LPIN2: variants seen among roughly 807,000 people sequenced by gnomAD.
The protein encoded by LPIN2 is phosphatidate phosphatase LPIN2.
LPIN2 carries 55 observed loss-of-function variants against 111.4 expected under a neutral mutation model. The observed-to-expected ratio is 0.49, with a 90% CI of 0.40 to 0.62. The LOEUF (loss-of-function observed/expected upper bound fraction) is 0.62, where lower values mean the gene tolerates loss of function less well. LPIN2 is among the 20% of genes least tolerant of loss of function. The pLI, the probability that LPIN2 is intolerant of heterozygous loss-of-function variation, is 0.00. For missense variants in LPIN2, 992 were observed against 1,112.1 expected, an observed-to-expected ratio of 0.89 and a Z score of 1.54; for synonymous variants, 425 against 414.0, an observed-to-expected ratio of 1.03 and a Z score of -0.32.
chr18:2,996,541 C>T (rs1242287523), intron 1 of LPIN2, among the ~76,000 whole-genome samples: 1 of 140,062 alleles, frequency 7.1e-6, no homozygotes, highest in Admixed American at 7.3e-5. Context: ...GCAGTGGCGC[C>T]ATCTCAGCTC....
In LPIN2 at chr18:2,925,703, T is replaced by G. The variant is rs899841401; in HGVS notation, c.1794-335A>C. Among the ~76,000 whole-genome samples, 6 of 152,212 alleles carry G rather than the reference T, an allele frequency of 3.9e-5. No homozygotes were observed. The highest frequency in any genetic ancestry group is 1.3e-4 in the Admixed American group (2 of 15,278). On this transcript the variant is annotated intron_variant, in intron 13 of 19. Transcript: ENST00000677752. This position sits in a 1 kb window ranked among gnomAD's most constrained non-coding sequence, Gnocchi z 4.1. ...ACAAATCAAAGAAAACATAATCGCT[T>G]ACAATGATTTAACAAACTCCGGCTG...
At chr18:2,984,297 A>G (rs1367677828) in intron 1 of LPIN2, among the ~76,000 whole-genome samples, 1 of 152,214 alleles carries the variant, frequency 6.6e-6, no homozygotes, top group East Asian at 1.9e-4. Context: ...GCAGTACACC[A>G]AAGTGCCCAG....
At chr18:2,971,808 G>C (rs1339839193) in intron 1 of LPIN2, among the ~76,000 whole-genome samples, 1 of 151,482 alleles carries the variant, frequency 6.6e-6, no homozygotes, top group Non-Finnish European at 1.5e-5. Context: ...AGCACTTTGG[G>C]AGGCCGAGGC....
chr18:2,950,588 T>A (rs2077520165), intron 4 of LPIN2: 1 of 195,022 alleles, frequency 5.1e-6, no homozygotes, highest in African/African-American at 2.4e-5. Flanking sequence ...TGAGCTCTTC[T>A]ACAGAGCAGG....
At chr18:3,008,994 C>T (rs142210377) in intron 1 of LPIN2, among the ~76,000 whole-genome samples, 6,776 of 150,884 alleles carry the variant, frequency 0.045, 483 homozygotes, top group African/African-American at 0.16. Flanking sequence ...TGTCCGGGTG[C>T]GGTGGCTCAC....
At chr18:2,960,543 CA>C in intron 2 of LPIN2, 105 bp downstream of exon 2, 1 of 1,125,278 alleles carries the variant, frequency 8.9e-7, no homozygotes, top group African/African-American at 1.5e-5. Flanking sequence ...AGAAAACTCA[CA>C]ATAGCGATTT....
At position 2,925,630 on chromosome 18, in the gene LPIN2, G is replaced by C. The variant is rs1481384700; in HGVS notation, c.1794-262C>G. 1.3e-5 allele frequency among the ~76,000 whole-genome samples: 2 copies of C among 152,186 alleles called. No individual in the cohort carries two copies. Among genetic ancestry groups the C allele is most frequent in the Admixed American group, 6.5e-5 (1 of 15,278 alleles). On this transcript the variant is annotated intron_variant, in intron 13 of 19. Coordinates refer to ENST00000677752, the MANE Select transcript of LPIN2 (RefSeq NM_001375808.2). The surrounding 1 kb of genome is among the most constrained non-coding windows in gnomAD (Gnocchi z 4.1). Reference sequence around the variant, plus strand: ...TTTCTGCTATGCCCAGTGAATGCTAGAAGGTCTACTGACTCTTGTTGAAGA... The same window carrying C: ...TTTCTGCTATGCCCAGTGAATGCTACAAGGTCTACTGACTCTTGTTGAAGA...
At chr18:2,939,414 G>A in intron 6 of LPIN2, 66 bp downstream of exon 6, 1 of 1,597,038 alleles carries the variant, frequency 6.3e-7, no homozygotes, top group Non-Finnish European at 8.6e-7. Flanking sequence ...CTTTACTTAT[G>A]GGCAGAGGAA....
At position 2,930,988 on chromosome 18, in the gene LPIN2, C is replaced by A. The variant is rs144570645; in HGVS notation, c.1456+268G>T. Among the ~76,000 whole-genome samples the A allele has an allele frequency of 3.3e-3, 502 of 152,236 alleles. 2 individuals carry two copies. Among genetic ancestry groups the A allele is most frequent in the Non-Finnish European group, 6.1e-3 (413 of 68,010 alleles). On this transcript the variant is annotated intron_variant, in intron 9 of 19. Transcript: ENST00000677752. Reference sequence around the variant, plus strand: ...GTGTGATGATCGCACCCTGGCAGCTCAGAAAACAGGGCGGCCTGATAACTC... The same window carrying A: ...GTGTGATGATCGCACCCTGGCAGCTAAGAAAACAGGGCGGCCTGATAACTC...
At chr18:2,928,988 T>TATA in intron 10 of LPIN2, 77 bp downstream of exon 10, 1 of 960,118 alleles carries the variant, frequency 1.0e-6, no homozygotes, top group Admixed American at 1.7e-5. Context: ...GGAACACTTT[T>TATA]ATAAGTAACA....
intron 1 of LPIN2, among the ~76,000 whole-genome samples, chr18:2,963,046 C>A (rs759595967): frequency 1.3e-5 from 2 of 152,106 alleles, no homozygotes; most frequent in Non-Finnish European, 2.9e-5. Context: ...TGTGTAAATG[C>A]CAGTTGCTAA....
At chr18:2,994,296 G>C (rs900396878) in intron 1 of LPIN2, among the ~76,000 whole-genome samples, 2 of 152,168 alleles carry the variant, frequency 1.3e-5, no homozygotes, top group African/African-American at 4.8e-5. Context: ...AGACAATTTA[G>C]CTAAAGGAAC....
intron 1 of LPIN2, among the ~76,000 whole-genome samples, chr18:2,984,156 G>C (rs1598599088): frequency 6.6e-6 from 1 of 152,246 alleles, no homozygotes; most frequent in East Asian, 1.9e-4. Context: ...ATATCACCAA[G>C]GTTCATATAA....
chr18:2,925,499 A>G lies in LPIN2; in HGVS notation c.1794-131T>C. On this transcript the variant is annotated intron_variant, in intron 13 of 19. Coordinates refer to ENST00000677752, the MANE Select transcript of LPIN2 (RefSeq NM_001375808.2). This position sits in a 1 kb window ranked among gnomAD's most constrained non-coding sequence, Gnocchi z 4.1. ...AATGGGTAGAGTTATCCCTTCTGCC[A>G]TTCTCCCATATCCACAGCTCTGTAC... 8.3e-7 allele frequency: 1 copy of G among 1,202,344 alleles called. No homozygotes were observed. Among genetic ancestry groups the G allele is most frequent in the Non-Finnish European group, 1.2e-6 (1 of 832,182 alleles). The allele number at this position is 1,202,344 out of a possible 1,614,324, so 74.5% of individuals were successfully genotyped here.
chr18:2,920,207 G>A lies in LPIN2; in HGVS notation c.*86C>T. On this transcript the variant is annotated 3_prime_UTR_variant, in exon 20 of 20. Transcript: ENST00000677752. The stretch of plus-strand genomic sequence containing the variant: ...GCACCCGTCCCCGCTGGGGAAGGCT[G>A]GTATCTGAGGTCAGCAGAAGAGCCA... The A allele has an allele frequency of 2.6e-6, 4 of 1,566,096 alleles. No homozygotes were observed. The South Asian group carries it at 3.3e-5, about 13-fold the overall frequency.
intron 4 of LPIN2, among the ~76,000 whole-genome samples, chr18:2,944,238 A>C (rs532537343): frequency 1.0e-3 from 155 of 151,684 alleles, no homozygotes; most frequent in African/African-American, 3.6e-3. Flanking sequence ...CTTTAAAAAA[A>C]AAAACTCCAA....
At chr18:2,933,418 C>T (rs2077240937) in intron 8 of LPIN2, among the ~76,000 whole-genome samples, 2 of 152,078 alleles carry the variant, frequency 1.3e-5, no homozygotes, top group African/African-American at 4.8e-5. Flanking sequence ...TTGAACTTTC[C>T]TACTGTTAAA....
rs2077534686 is a variant in LPIN2 at position 2,951,365 on chromosome 18, G to A, written c.289-9C>T. 7 of 1,612,408 alleles carry A rather than the reference G, an allele frequency of 4.3e-6. No individual in the cohort carries two copies. Among genetic ancestry groups the A allele is most frequent in the Non-Finnish European group, 5.9e-6 (7 of 1,178,852 alleles). On this transcript the variant is annotated splice_polypyrimidine_tract_variant and intron_variant, in intron 3 of 19. Transcript: ENST00000677752. ...TAAGCAGGAAGCTTTTCCTTGAGGAGAATGGAGAAAGAAAAGTTATCCATG... is the reference window on the plus strand; with the variant it reads ...TAAGCAGGAAGCTTTTCCTTGAGGAAAATGGAGAAAGAAAAGTTATCCATG...
intron 14 of LPIN2, among the ~76,000 whole-genome samples, chr18:2,924,787 T>C (rs1045061921): frequency 1.3e-5 from 2 of 152,206 alleles, no homozygotes; most frequent in African/African-American, 4.8e-5. Flanking sequence ...GGTCTACTAC[T>C]CTTACTCCAC....
Sources: allele counts gnomAD v4.1 joint callset (sites outside exome capture counted in the v4.1 genomes callset), GRCh38; gene constraint gnomAD v4.1.1; non-coding constraint Gnocchi (gnomAD v3.1); transcripts MANE v1.5; gene names NCBI Gene and HGNC (gene_info 2026-07-23, HGNC 2026-07-21).